Variants in RAB40B observed in about 807,000 individuals in gnomAD.
The protein encoded by RAB40B is ras-related protein Rab-40B.
RAB40B carries 21 observed loss-of-function variants against 24.0 expected under a neutral mutation model. That is an observed-to-expected ratio of 0.88 (90% confidence interval 0.62 to 1.26). The LOEUF is 1.26. Among genes scored for constraint, RAB40B ranks in the 50% most tolerant of loss-of-function variants. RAB40B has a pLI of 0.00. For synonymous variants in RAB40B, 167 were observed against 169.8 expected (o/e 0.98, Z 0.13); for missense variants, 348 against 390.5 (o/e 0.89, Z 0.92).
intron 2 of RAB40B, 78 bp from the exon 3 acceptor site, chr17:82,661,125 A>G: frequency 6.5e-7 from 1 of 1,536,996 alleles, no homozygotes; most frequent in Non-Finnish European, 8.8e-7. Flanking sequence ...TCAGAGCCAC[A>G]GCAAGTGCAC....
intron 1 of RAB40B, among the ~76,000 whole-genome samples, chr17:82,668,511 C>T (rs1230636373): frequency 2.6e-5 from 4 of 152,264 alleles, no homozygotes; most frequent in Admixed American, 6.5e-5. Context: ...AGCCCTCCCT[C>T]AGCTTCCCTC....
In RAB40B at chr17:82,697,839, T is replaced by TG. The variant is rs367559472; in HGVS notation, c.142+615dup. ...GGAACCCGCTCTCCGGCCGCTGTCG[T>TG]GGGGGGTCCCCTCTTCCGCACGCGA... On this transcript the variant is annotated intron_variant, in intron 1 of 5. Transcript: ENST00000571995. The surrounding 1 kb of genome is among the most constrained non-coding windows in gnomAD (Gnocchi z 4.9). Among the ~76,000 whole-genome samples the TG allele has an allele frequency of 2.0e-5, 3 of 152,126 alleles. No homozygotes were observed. Among genetic ancestry groups the TG allele is most frequent in the Admixed American group, 1.3e-4 (2 of 15,284 alleles).
intron 1 of RAB40B, among the ~76,000 whole-genome samples, chr17:82,673,733 T>C (rs545454348): frequency 2.0e-5 from 3 of 152,156 alleles, no homozygotes; most frequent in Non-Finnish European, 4.4e-5. Context: ...ACTGCACACC[T>C]TGTGGGCCTT....
intron 1 of RAB40B, among the ~76,000 whole-genome samples, chr17:82,694,548 T>TAC (rs1160769691): frequency 7.0e-6 from 1 of 142,228 alleles, no homozygotes; most frequent in African/African-American, 2.7e-5. Context: ...AAAAAATACA[T>TAC]ACACACACAC....
chr17:82,666,981 G>A (rs377564544), intron 1 of RAB40B, among the ~76,000 whole-genome samples: 2 of 152,186 alleles, frequency 1.3e-5, no homozygotes, highest in Middle Eastern at 3.2e-3. Context: ...AGGGAAGCGC[G>A]CCGCTGAGAG....
At chr17:82,693,661 G>T (rs188095357) in intron 1 of RAB40B, among the ~76,000 whole-genome samples, 6 of 152,256 alleles carry the variant, frequency 3.9e-5, no homozygotes, top group Admixed American at 2.0e-4. Flanking sequence ...CCCGTCACCC[G>T]CAGGATGGAG....
intron 1 of RAB40B, among the ~76,000 whole-genome samples, chr17:82,672,657 G>A (rs916422532): frequency 2.2e-4 from 34 of 152,360 alleles, no homozygotes; most frequent in African/African-American, 8.2e-4. Flanking sequence ...TGACGGGCTT[G>A]CGCGATGCCC....
At chr17:82,694,679 C>A (rs897600209) in intron 1 of RAB40B, among the ~76,000 whole-genome samples, 4 of 151,690 alleles carry the variant, frequency 2.6e-5, no homozygotes. Flanking sequence ...GAAAGAATTC[C>A]TCAGAAATTC....
In RAB40B at chr17:82,689,186, C is replaced by T. The variant is rs563470728; in HGVS notation, c.142+9269G>A. Among the ~76,000 whole-genome samples the T allele has an allele frequency of 5.2e-4, 79 of 152,390 alleles. 1 individual carries two copies. In the South Asian group the frequency reaches 0.015, roughly 29 times the overall value. ...CTTGCCACTGTCTTCACTCCAAATG[C>T]ACCCAGCGCGGAGCAGCCTGCACTC... On this transcript the variant is annotated intron_variant, in intron 1 of 5. Transcript: ENST00000571995.
chr17:82,674,878 A>C (rs576641804), intron 1 of RAB40B, among the ~76,000 whole-genome samples: 2 of 152,044 alleles, frequency 1.3e-5, no homozygotes, highest in Non-Finnish European at 2.9e-5. Flanking sequence ...TAGGCAGAGG[A>C]GAAAGAACAA....
chr17:82,688,033 C>T (rs955643254), intron 1 of RAB40B, among the ~76,000 whole-genome samples: 5 of 152,168 alleles, frequency 3.3e-5, no homozygotes, highest in African/African-American at 9.6e-5. Flanking sequence ...GATCGCACCA[C>T]TGCACTCCAG....
chr17:82,687,788 C>T (rs2046516738), intron 1 of RAB40B, among the ~76,000 whole-genome samples: 1 of 152,190 alleles, frequency 6.6e-6, no homozygotes, highest in South Asian at 2.1e-4. Context: ...CTTTACGCCC[C>T]CAGCCAGGCG....
chr17:82,658,490 C>A lies in RAB40B; in HGVS notation c.565+1G>T. ...GCCCCCGGAATAGCCCCTGGGCCTA[C>A]CCTTGCTCGGCCGCCAGAGCCGGTC... On this transcript the variant is annotated splice_donor_variant, in intron 5 of 5. Coordinates refer to ENST00000571995, the MANE Select transcript of RAB40B (RefSeq NM_006822.3). LOFTEE classifies it high-confidence loss of function. The A allele has an allele frequency of 6.2e-7, 1 of 1,611,582 alleles. No homozygotes were observed. The highest frequency in any genetic ancestry group is 8.5e-7 in the Non-Finnish European group (1 of 1,179,776).
intron 1 of RAB40B, among the ~76,000 whole-genome samples, chr17:82,678,434 A>T (rs556040361): frequency 3.3e-5 from 5 of 152,224 alleles, no homozygotes; most frequent in Non-Finnish European, 7.3e-5. Context: ...ACAAGAACAA[A>T]AAAGGGAGAA....
chr17:82,659,164 A>C, intron 4 of RAB40B: 1 of 249,624 alleles, frequency 4.0e-6, no homozygotes, highest in Non-Finnish European at 7.8e-6. Flanking sequence ...CGTCGGTTCT[A>C]GCAGCCCCGG....
At chr17:82,686,959 C>T (rs535055317) in intron 1 of RAB40B, among the ~76,000 whole-genome samples, 3 of 151,118 alleles carry the variant, frequency 2.0e-5, no homozygotes, top group Non-Finnish European at 2.9e-5. Flanking sequence ...AAGACCCTCC[C>T]GTCCAGTGCT....
chr17:82,675,450 C>T lies in RAB40B; in HGVS notation c.143-10894G>A, dbSNP rs1037840883. Among the ~76,000 whole-genome samples the T allele has an allele frequency of 3.9e-5, 6 of 152,324 alleles. No individual in the cohort carries two copies. The highest frequency in any genetic ancestry group is 2.1e-4 in the South Asian group (1 of 4,828). On this transcript the variant is annotated intron_variant, in intron 1 of 5. Coordinates refer to ENST00000571995, the MANE Select transcript of RAB40B (RefSeq NM_006822.3). This position sits in a 1 kb window ranked among gnomAD's most constrained non-coding sequence, Gnocchi z 4.5. ...CCTTCTCCCGAATCTATTCTGCTCC[C>T]GTGGATGGCACTCCCTTTACCCCAT...
chr17:82,670,868 A>C lies in RAB40B; in HGVS notation c.143-6312T>G, dbSNP rs531744255. 1.5e-3 allele frequency among the ~76,000 whole-genome samples: 229 copies of C among 152,128 alleles called. 1 individual carries two copies. Among genetic ancestry groups the C allele is most frequent in the Non-Finnish European group, 2.5e-3 (167 of 67,998 alleles). On this transcript the variant is annotated intron_variant, in intron 1 of 5. Transcript: ENST00000571995. ...CTTTTTAAGCGCCCTACGAGTTTCA[A>C]AACCATCTTTCGTTTCTGTTTTCAT...
chr17:82,660,348 C>T (rs953723037), intron 3 of RAB40B, among the ~76,000 whole-genome samples: 19 of 150,640 alleles, frequency 1.3e-4, no homozygotes, highest in Admixed American at 3.3e-4. Flanking sequence ...CCTGCACGCA[C>T]GTGTACACAC....
Sources: allele counts gnomAD v4.1 joint callset (sites outside exome capture counted in the v4.1 genomes callset), GRCh38; gene constraint gnomAD v4.1.1; non-coding constraint Gnocchi (gnomAD v3.1); transcripts MANE v1.5; gene names NCBI Gene and HGNC (gene_info 2026-07-23, HGNC 2026-07-21).